EYS: variants seen among roughly 807,000 people sequenced by gnomAD.
The protein encoded by EYS is protein eyes shut homolog.
In EYS, 250 loss-of-function variants were observed where a neutral mutation model predicts 282.1. The ratio of observed to expected loss-of-function variants is 0.89; its 90% CI spans 0.80 to 0.98. The LOEUF is 0.98. Among genes scored for constraint, EYS ranks in the 50% least tolerant of loss-of-function variants. The pLI, the probability that EYS is intolerant of heterozygous loss-of-function variation, is 0.00. For synonymous variants in EYS, 1,355 were observed against 1,282.9 expected (o/e 1.06, Z -1.20); for missense variants, 4,016 against 3,709.0 (o/e 1.08, Z -2.15).
intron 13 of EYS, among the ~76,000 whole-genome samples, chr6:65,038,227 G>A (rs1403844589): frequency 6.6e-6 from 1 of 151,468 alleles, no homozygotes; most frequent in African/African-American, 2.4e-5. Context: ...ATTTTTTAAA[G>A]ATATAATACA....
intron 18 of EYS, among the ~76,000 whole-genome samples, chr6:64,889,716 TCTTTA>T (rs1229505902): frequency 1.3e-5 from 2 of 152,090 alleles, no homozygotes; most frequent in African/African-American, 2.4e-5. Context: ...CCTATGCCCG[TCTTTA>T]CTTTAATCTT....
intron 12 of EYS, among the ~76,000 whole-genome samples, chr6:65,249,033 G>A (rs1228513093): frequency 1.3e-5 from 2 of 149,428 alleles, no homozygotes; most frequent in African/African-American, 2.5e-5. Flanking sequence ...TATTTTCTGG[G>A]TTTAGTAAAA....
chr6:64,864,385 C>CTTTTTTTTTTTTTTTCTTTT (rs1766349995), intron 19 of EYS, among the ~76,000 whole-genome samples: 1 of 57,166 alleles, frequency 1.7e-5, no homozygotes, highest in African/African-American at 5.9e-5. Context: ...GCTATACCTT[C>CTTTTTTTTTTTTTTTCTTTT]TTTTTTTTTT....
At chr6:65,519,291 T>C (rs909275361) in intron 2 of EYS, among the ~76,000 whole-genome samples, 18 of 151,834 alleles carry the variant, frequency 1.2e-4, no homozygotes, top group Non-Finnish European at 1.8e-4. Context: ...TCTGTGTGTG[T>C]TTGTGTGTGT....
At chr6:65,597,098 T>C (rs1279504358) in intron 2 of EYS, among the ~76,000 whole-genome samples, 1 of 152,126 alleles carries the variant, frequency 6.6e-6, no homozygotes, top group Non-Finnish European at 1.5e-5. Context: ...ACTGGTATTT[T>C]ACCTAATAAT....
chr6:64,906,219 A>G (rs1381575903), intron 16 of EYS, among the ~76,000 whole-genome samples: 1 of 151,738 alleles, frequency 6.6e-6, no homozygotes, highest in African/African-American at 2.4e-5. Context: ...GAATATACAG[A>G]ATTAATATTT....
At chr6:64,550,436 A>T (rs1765036048) in intron 26 of EYS, among the ~76,000 whole-genome samples, 1 of 152,118 alleles carries the variant, frequency 6.6e-6, no homozygotes, top group Admixed American at 6.6e-5. Context: ...ATTCTAACTG[A>T]TATGAGATGG....
At chr6:65,272,613 C>T (rs1767935132) in intron 12 of EYS, among the ~76,000 whole-genome samples, 1 of 152,108 alleles carries the variant, frequency 6.6e-6, no homozygotes, top group African/African-American at 2.4e-5. Flanking sequence ...TTCTCAGTAT[C>T]AAAATCTGTA....
chr6:65,083,448 A>T (rs1247908424), intron 12 of EYS, among the ~76,000 whole-genome samples: 2 of 152,046 alleles, frequency 1.3e-5, no homozygotes, highest in Non-Finnish European at 2.9e-5. Flanking sequence ...AGAAGTTGTG[A>T]TACATTTAGA....
At chr6:64,778,487 C>T (rs1016641266) in intron 22 of EYS, among the ~76,000 whole-genome samples, 1 of 152,186 alleles carries the variant, frequency 6.6e-6, no homozygotes, top group Non-Finnish European at 1.5e-5. Context: ...TCACACAGGT[C>T]TACCCAGCTA....
chr6:64,779,138 T>C (rs1394820519), intron 22 of EYS, among the ~76,000 whole-genome samples: 3 of 152,136 alleles, frequency 2.0e-5, no homozygotes, highest in Admixed American at 2.0e-4. Flanking sequence ...ATTACACTCT[T>C]TGGAATTTAC....
chr6:64,456,871 T>G (rs773052818), intron 26 of EYS, among the ~76,000 whole-genome samples: 9 of 152,058 alleles, frequency 5.9e-5, no homozygotes, highest in Non-Finnish European at 8.8e-5. Context: ...ATTTTACTTA[T>G]AAGAATAATG....
chr6:65,140,743 G>A (rs1416268716), intron 12 of EYS, among the ~76,000 whole-genome samples: 4 of 152,024 alleles, frequency 2.6e-5, no homozygotes, highest in Non-Finnish European at 5.9e-5. Context: ...GTGAAAAAAC[G>A]CTCATCATCA....
chr6:64,212,251 C>T (rs1007599138), intron 31 of EYS, among the ~76,000 whole-genome samples: 1 of 151,716 alleles, frequency 6.6e-6, no homozygotes, highest in Admixed American at 6.6e-5. Context: ...AAAAGTAGGA[C>T]TACTCAAATA....
At chr6:65,114,866 C>T (rs2150191509) in intron 12 of EYS, among the ~76,000 whole-genome samples, 1 of 152,100 alleles carries the variant, frequency 6.6e-6, no homozygotes, top group East Asian at 1.9e-4. Flanking sequence ...CTCTATTTCA[C>T]TTACACTATT....
At chr6:64,586,796 C>T (rs1766248069) in intron 26 of EYS, among the ~76,000 whole-genome samples, 1 of 151,968 alleles carries the variant, frequency 6.6e-6, no homozygotes, top group Admixed American at 6.6e-5. Context: ...GTGGAATAAA[C>T]ATAACTCAAA....
intron 29 of EYS, among the ~76,000 whole-genome samples, chr6:64,331,894 G>A (rs1770659881): frequency 6.6e-6 from 1 of 152,198 alleles, no homozygotes; most frequent in Admixed American, 6.5e-5. Context: ...CTCAGGGTGG[G>A]TTGAGGCATT....
chr6:65,341,372 C>T (rs1395224374), intron 10 of EYS, among the ~76,000 whole-genome samples: 1 of 151,172 alleles, frequency 6.6e-6, no homozygotes, highest in Non-Finnish European at 1.5e-5. Context: ...CATTCCTCCC[C>T]TCATATTGTA....
intron 31 of EYS, among the ~76,000 whole-genome samples, chr6:64,138,086 G>A (rs903795430): frequency 6.6e-6 from 1 of 152,104 alleles, no homozygotes; most frequent in Admixed American, 6.6e-5. Flanking sequence ...GCAAGAAAAA[G>A]GCTAGCGAGT....
Sources: allele counts gnomAD v4.1 joint callset (sites outside exome capture counted in the v4.1 genomes callset), GRCh38; gene constraint gnomAD v4.1.1; transcripts MANE v1.5; gene names NCBI Gene and HGNC (gene_info 2026-07-23, HGNC 2026-07-21).